AGBL4: variants seen among roughly 807,000 people sequenced by gnomAD.
AGBL4 encodes AGBL carboxypeptidase 4.
In AGBL4, 58 loss-of-function variants were observed where a neutral mutation model predicts 66.4. The observed-to-expected ratio is 0.87, with a 90% CI of 0.71 to 1.09. AGBL4 has a LOEUF of 1.09. Among genes scored for constraint, AGBL4 ranks in the 50% least tolerant of loss-of-function variants. AGBL4 has a pLI of 0.00. For missense variants in AGBL4, 579 were observed against 631.0 expected, an observed-to-expected ratio of 0.92 and a Z score of 0.88; for synonymous variants, 234 against 222.9, an observed-to-expected ratio of 1.05 and a Z score of -0.44.
At chr1:48,906,986 T>A (rs12117034) in intron 5 of AGBL4, among the ~76,000 whole-genome samples, 369 of 152,318 alleles carry the variant, frequency 2.4e-3, no homozygotes, top group Non-Finnish European at 3.7e-3. Flanking sequence ...GTATGGAATA[T>A]GGTCTTGAGG....
intron 6 of AGBL4, among the ~76,000 whole-genome samples, chr1:48,732,097 G>A (rs1648229482): frequency 6.6e-6 from 1 of 152,144 alleles, no homozygotes; most frequent in South Asian, 2.1e-4. Flanking sequence ...GTTTAAGAGA[G>A]ATTTGGGGCC....
intron 5 of AGBL4, among the ~76,000 whole-genome samples, chr1:49,007,325 GA>G (rs2148999312): frequency 7.1e-6 from 1 of 141,410 alleles, no homozygotes; most frequent in East Asian, 2.1e-4. Flanking sequence ...GAAGTTTAGA[GA>G]AAAAAGAATA....
chr1:49,786,574 C>T (rs914457944), intron 2 of AGBL4, among the ~76,000 whole-genome samples: 1 of 152,102 alleles, frequency 6.6e-6, no homozygotes, highest in African/African-American at 2.4e-5. Flanking sequence ...AGGTCTCAAC[C>T]AGGGATTTTA....
intron 4 of AGBL4, among the ~76,000 whole-genome samples, chr1:49,097,192 T>C (rs2147993335): frequency 6.6e-6 from 1 of 152,344 alleles, no homozygotes; most frequent in Non-Finnish European, 1.5e-5. Context: ...ACTGCATACA[T>C]ATGCGTACCA....
At chr1:48,733,131 G>C (rs763637427) in intron 6 of AGBL4, among the ~76,000 whole-genome samples, 12 of 152,154 alleles carry the variant, frequency 7.9e-5, no homozygotes, top group Non-Finnish European at 7.3e-5. Context: ...GCCTGCATGT[G>C]AAAGAAGGGA....
intron 1 of AGBL4, among the ~76,000 whole-genome samples, chr1:49,902,352 C>T (rs1429543361): frequency 3.3e-5 from 5 of 152,120 alleles, no homozygotes; most frequent in African/African-American, 9.7e-5. Flanking sequence ...ATACAAACAA[C>T]CCCATTAAAA....
rs190780488 is a variant in AGBL4, at chr1:48,755,302, C to A, written c.635-92061G>T. On this transcript the variant is annotated intron_variant, in intron 6 of 13. Transcript: ENST00000371839. ...ATCTACCATTCGTAGGACCCCACTACCTCGGTGAGTAAATAATGATTCTTC... is the reference window on the plus strand; with the variant it reads ...ATCTACCATTCGTAGGACCCCACTAACTCGGTGAGTAAATAATGATTCTTC... Among the ~76,000 whole-genome samples the A allele has an allele frequency of 2.6e-5, 4 of 152,292 alleles. No individual in the cohort carries two copies. The East Asian group carries it at 7.7e-4, about 29-fold the overall frequency.
At position 49,446,581 on chromosome 1, in the gene AGBL4, T is replaced by C. The variant is rs79802145; in HGVS notation, c.283-200717A>G. ...CAGTATACAGGCCCCAGTTGTGGCA[T>C]CAGTTGGCTAAGCATACCTATCTTT... is the stretch of plus-strand genomic sequence containing the variant. On this transcript the variant is annotated intron_variant, in intron 3 of 13. Transcript: ENST00000371839. Among the ~76,000 whole-genome samples, 117 of 152,290 alleles carry C rather than the reference T, an allele frequency of 7.7e-4. 5 individuals are homozygous for C. The East Asian group carries it at 0.019, about 25-fold the overall frequency.
At chr1:49,975,149 T>C (rs1401491215) in intron 1 of AGBL4, among the ~76,000 whole-genome samples, 2 of 152,206 alleles carry the variant, frequency 1.3e-5, no homozygotes, top group African/African-American at 4.8e-5. Context: ...TTTACATATT[T>C]GATTTTATAA....
At chr1:49,232,136 T>C (rs1393912122) in intron 4 of AGBL4, among the ~76,000 whole-genome samples, 1 of 152,120 alleles carries the variant, frequency 6.6e-6, no homozygotes, top group African/African-American at 2.4e-5. Flanking sequence ...GATGAAAATG[T>C]TCTAAAATTA....
At chr1:49,901,215 TAA>T (rs752756674) in intron 1 of AGBL4, among the ~76,000 whole-genome samples, 11 of 152,106 alleles carry the variant, frequency 7.2e-5, no homozygotes, top group Non-Finnish European at 1.3e-4. Context: ...GAGAAAGAAA[TAA>T]GAGTCATCCA....
chr1:49,409,898 A>G (rs1409382379), intron 3 of AGBL4, among the ~76,000 whole-genome samples: 2 of 152,150 alleles, frequency 1.3e-5, no homozygotes, highest in East Asian at 3.9e-4. Context: ...ATTCAAGCTC[A>G]TATTGAAAAA....
At chr1:49,573,109 T>A (rs1006701291) in intron 3 of AGBL4, among the ~76,000 whole-genome samples, 2 of 150,842 alleles carry the variant, frequency 1.3e-5, no homozygotes, top group African/African-American at 4.9e-5. Flanking sequence ...ATATAATAAA[T>A]TCTCATATAT....
intron 6 of AGBL4, among the ~76,000 whole-genome samples, chr1:48,699,673 G>A (rs986387260): frequency 8.5e-5 from 13 of 152,270 alleles, no homozygotes; most frequent in African/African-American, 3.1e-4. Context: ...TAATTGCAAG[G>A]CATATTCTAC....
intron 4 of AGBL4, among the ~76,000 whole-genome samples, chr1:49,071,976 T>C (rs1644613772): frequency 1.3e-5 from 2 of 152,350 alleles, no homozygotes; most frequent in Admixed American, 1.3e-4. Flanking sequence ...TCTTGTTGAA[T>C]TGATCCCTTT....
chr1:48,581,747 T>A (rs771349074), intron 11 of AGBL4, among the ~76,000 whole-genome samples: 1 of 152,234 alleles, frequency 6.6e-6, no homozygotes. Flanking sequence ...TTTATCTGCA[T>A]GCATTCTCCC....
intron 5 of AGBL4, among the ~76,000 whole-genome samples, chr1:48,954,338 A>T (rs1657255998): frequency 1.3e-5 from 2 of 152,224 alleles, no homozygotes; most frequent in Non-Finnish European, 2.9e-5. Context: ...AATATATACA[A>T]GGCACTTTCT....
At chr1:49,224,628 A>G (rs1310973420) in intron 4 of AGBL4, among the ~76,000 whole-genome samples, 1 of 151,620 alleles carries the variant, frequency 6.6e-6, no homozygotes, top group African/African-American at 2.4e-5. Context: ...AAAAAAAAAA[A>G]AAAAAAAAGA....
At chr1:49,176,571 G>A (rs1288870987) in intron 4 of AGBL4, among the ~76,000 whole-genome samples, 2 of 152,130 alleles carry the variant, frequency 1.3e-5, no homozygotes, top group Non-Finnish European at 2.9e-5. Flanking sequence ...CAATCCTGAA[G>A]TAATGATTTG....
Sources: allele counts gnomAD v4.1 joint callset (sites outside exome capture counted in the v4.1 genomes callset), GRCh38; gene constraint gnomAD v4.1.1; transcripts MANE v1.5; gene names NCBI Gene and HGNC (gene_info 2026-07-23, HGNC 2026-07-21).